Variants in CHRNB1 observed in about 807,000 individuals in gnomAD.
CHRNB1 encodes acetylcholine receptor subunit beta.
CHRNB1 carries 47 observed loss-of-function variants against 53.8 expected under a neutral mutation model. That is an observed-to-expected ratio of 0.87 (90% CI 0.69 to 1.11). The LOEUF (loss-of-function observed/expected upper bound fraction) is 1.11, where lower values mean the gene tolerates loss of function less well. Among genes scored for constraint, CHRNB1 ranks in the 50% most tolerant of loss-of-function variants. The pLI is 0.00. For synonymous variants in CHRNB1, 259 were observed against 263.5 expected (o/e 0.98, Z 0.16); for missense variants, 605 against 654.9 (o/e 0.92, Z 0.83).
At chr17:7,451,602 T>C (rs1908892392) in intron 7 of CHRNB1, among the ~76,000 whole-genome samples, 1 of 151,958 alleles carries the variant, frequency 6.6e-6, no homozygotes, top group South Asian at 2.1e-4. Flanking sequence ...TTAACGTTGG[T>C]CTTTCGGCCA....
In CHRNB1 at chr17:7,447,165, A is replaced by G; in HGVS notation, c.462+14A>G. ...TGCAGCATCCAGGTTTCCGGCCTCC[A>G]CATTGGAAGCTGAAGGAGCTCTTAC... On this transcript the variant is annotated intron_variant, in intron 5 of 10. Transcript: ENST00000306071. The G allele has an allele frequency of 6.2e-7, 1 of 1,608,000 alleles. No homozygotes were observed. The highest frequency in any genetic ancestry group is 8.5e-7 in the Non-Finnish European group (1 of 1,174,814).
intron 7 of CHRNB1, among the ~76,000 whole-genome samples, chr17:7,450,330 G>C (rs1410579862): frequency 6.6e-6 from 1 of 151,960 alleles, no homozygotes. Context: ...TTTTAGTAGA[G>C]ATGGGGTTTC....
At chr17:7,456,049 CTTT>C (rs528936191) in intron 10 of CHRNB1, 108 bp downstream of exon 10, 1,925 of 521,862 alleles carry the variant, frequency 3.7e-3, no homozygotes, top group East Asian at 0.017. Flanking sequence ...TTTTTTTTGG[CTTT>C]TTTTTTTTTT....
intron 8 of CHRNB1, among the ~76,000 whole-genome samples, chr17:7,455,023 G>T (rs1480593191): frequency 1.3e-5 from 2 of 151,816 alleles, no homozygotes; most frequent in Non-Finnish European, 2.9e-5. Flanking sequence ...GGCTGGTCTT[G>T]AACTCCTGAC....
Position 7,445,946 on chromosome 17 carries a change from G to T in CHRNB1, c.199-123G>T. On this transcript the variant is annotated intron_variant, in intron 2 of 10. Transcript: ENST00000306071. This position sits in a 1 kb window ranked among gnomAD's most constrained non-coding sequence, Gnocchi z 5.7. ...AACGCCGCTTCTGGGAGGTGGACTT[G>T]GACCCGAGAGGATGGGGCTCAGAAA... 1.2e-6 allele frequency: 1 copy of T among 853,950 alleles called. No individual in the cohort carries two copies. The highest frequency in any genetic ancestry group is 2.0e-6 in the Non-Finnish European group (1 of 498,960). The allele number at this position is 853,950 out of a possible 1,614,324, so 52.9% of individuals were successfully genotyped here. A position where few individuals can be genotyped will look rare whatever the true frequency, so the allele number is the denominator to read the frequency against.
rs777107114 is a variant in CHRNB1, at chr17:7,456,622, C to T, written c.1405C>T (p.Arg469Cys). Residue 469 changes from arginine (R) to cysteine (C), a missense_variant, in exon 11 of 11, where the codon CGC becomes TGC. By Grantham distance (180) the Arg-to-Cys change is radical. Coordinates refer to ENST00000306071, the MANE Select transcript of CHRNB1 (RefSeq NM_000747.3). ...GCAGTTTGTGGCCATGGTAGTGGAC[C>T]GCCTCTTCCTGTGGACTTTCATCAT... ...DWQFVAMVVD[R>C]LFLWTFIIFT... 6.2e-6 allele frequency: 10 copies of T among 1,613,960 alleles called. No homozygotes were observed. The Admixed American group carries it at 8.3e-5, about 13-fold the overall frequency.
At position 7,450,679 on chromosome 17, in the gene CHRNB1, C is replaced by A. The variant is rs924183609; in HGVS notation, c.820+1891C>A. Among the ~76,000 whole-genome samples the A allele has an allele frequency of 4.6e-5, 7 of 152,188 alleles. No individual in the cohort carries two copies. In the East Asian group the frequency reaches 1.4e-3, roughly 29 times the overall value. Reference sequence around the variant, plus strand: ...TACTAATTCTAAACTTTACAACAATCCTGTGAGGTAAGTAACGAATTGTCA... The same window carrying A: ...TACTAATTCTAAACTTTACAACAATACTGTGAGGTAAGTAACGAATTGTCA... On this transcript the variant is annotated intron_variant, in intron 7 of 10. Transcript: ENST00000306071.
chr17:7,452,026 T>C (rs1352272226), intron 7 of CHRNB1, among the ~76,000 whole-genome samples: 3 of 151,572 alleles, frequency 2.0e-5, no homozygotes, highest in African/African-American at 7.3e-5. Flanking sequence ...AGGAATAATA[T>C]GATCTGATTC....
intron 6 of CHRNB1, among the ~76,000 whole-genome samples, chr17:7,448,074 CA>C (rs71157286): frequency 0.018 from 297 of 16,682 alleles, 1 homozygote; most frequent in South Asian, 0.045. Context: ...AAGTTCGTCT[CA>C]AAAAAAAAAA....
At chr17:7,448,546 C>T (rs1351123427) in intron 6 of CHRNB1, 33 bp from the exon 7 acceptor site, 3 of 1,607,976 alleles carry the variant, frequency 1.9e-6, no homozygotes, top group East Asian at 4.5e-5. Flanking sequence ...ACAGCTCTCA[C>T]ATCTGTGTTC....
In CHRNB1 at chr17:7,455,939, G is replaced by T; in HGVS notation, c.1363G>T (p.Ala455Ser). The change falls in exon 10 of 11, where the codon GCG (alanine) becomes TCG (serine). Residue 455 changes from alanine to serine, a missense_variant and splice_region_variant. Transcript: ENST00000306071. ...RQLQEQEDHD[A>S]LKEDWQFVAM... Reference sequence around the variant, plus strand: ...GCTGCAGGAACAGGAGGACCACGATGCGGTATGTCCAACGGGGGTGGAACA... The same window carrying T: ...GCTGCAGGAACAGGAGGACCACGATTCGGTATGTCCAACGGGGGTGGAACA... 6.2e-7 allele frequency: 1 copy of T among 1,614,074 alleles called. No individual in the cohort carries two copies.
intron 6 of CHRNB1, 35 bp from the exon 7 acceptor site, chr17:7,448,544 C>T: frequency 1.2e-6 from 2 of 1,607,172 alleles, no homozygotes; most frequent in South Asian, 1.1e-5. Context: ...GGACAGCTCT[C>T]ACATCTGTGT....
intron 4 of CHRNB1, 21 bp downstream of exon 4, chr17:7,446,963 C>G: frequency 1.3e-5 from 10 of 783,164 alleles, no homozygotes; most frequent in Non-Finnish European, 2.0e-5. Flanking sequence ...TTCCAAAGCC[C>G]GGGAGGTGGC....
chr17:7,451,071 A>G (rs180761854), intron 7 of CHRNB1, among the ~76,000 whole-genome samples: 8 of 152,192 alleles, frequency 5.3e-5, no homozygotes, highest in Middle Eastern at 3.4e-3. Flanking sequence ...CAAGGAGCTC[A>G]TGGGAAGGAC....
chr17:7,455,518 G>A (rs928660966), intron 9 of CHRNB1, 62 bp downstream of exon 9: 6 of 1,599,670 alleles, frequency 3.8e-6, no homozygotes, highest in Non-Finnish European at 5.1e-6. Context: ...CCAGAAGAGT[G>A]TGCGGAAGAA....
chr17:7,455,753 CTG>C, intron 9 of CHRNB1, 39 bp from the exon 10 acceptor site: 1 of 1,614,044 alleles, frequency 6.2e-7, no homozygotes, highest in Middle Eastern at 1.7e-4. Flanking sequence ...CCGGCACTGG[CTG>C]TCTTTGCGTT....
Position 7,448,640 on chromosome 17 carries a change from T to C in CHRNB1, c.672T>C (p.Pro224=). The C allele has an allele frequency of 1.2e-6, 2 of 1,614,084 alleles. No individual in the cohort carries two copies. Among genetic ancestry groups the C allele is most frequent in the Non-Finnish European group, 8.5e-7 (1 of 1,179,988 alleles). The change falls in exon 7 of 11, where the codon CCT becomes CCC. Residue 224 remains proline, a synonymous_variant. Transcript: ENST00000306071. Reference sequence around the variant, plus strand: ...GGCTAATCCAGCCTCCAGGCGATCCTAGGGGAGGGAGGGAAGGACAGCGCC... The same window carrying C: ...GGCTAATCCAGCCTCCAGGCGATCCCAGGGGAGGGAGGGAAGGACAGCGCC... ...PSRLIQPPGD[P]RGGREGQRQE... is the part of the protein sequence containing the mutation.
At chr17:7,447,438 C>T in intron 5 of CHRNB1, 65 bp from the exon 6 acceptor site, 1 of 1,593,268 alleles carries the variant, frequency 6.3e-7, no homozygotes, top group Non-Finnish European at 8.6e-7. Context: ...TCCCCAAAGA[C>T]CTCCCAAACT....
Position 7,445,634 on chromosome 17 carries a change from T to C in CHRNB1, c.198+225T>C. 1 of 1,427,808 alleles carries C rather than the reference T, an allele frequency of 7.0e-7. No homozygotes were observed. Among genetic ancestry groups the C allele is most frequent in the Non-Finnish European group, 9.2e-7 (1 of 1,091,474 alleles). 88.4% of individuals were successfully genotyped at this position (1,427,808 alleles called of 1,614,324 possible). ...AACTGGGTAGGGTGAAGGACGGACC[T>C]GTGATCGGACCTTAAAGTGGGGCTG... On this transcript the variant is annotated intron_variant, in intron 2 of 10. Coordinates refer to ENST00000306071, the MANE Select transcript of CHRNB1 (RefSeq NM_000747.3). The surrounding 1 kb of genome is among the most constrained non-coding windows in gnomAD (Gnocchi z 5.7).
Sources: allele counts gnomAD v4.1 joint callset (sites outside exome capture counted in the v4.1 genomes callset), GRCh38; gene constraint gnomAD v4.1.1; non-coding constraint Gnocchi (gnomAD v3.1); transcripts MANE v1.5; gene names NCBI Gene and HGNC (gene_info 2026-07-23, HGNC 2026-07-21).